Variants in SCML2 observed in about 807,000 individuals in gnomAD.
The protein encoded by SCML2 is sex comb on midleg-like protein 2.
A neutral mutation model predicts 48.4 loss-of-function variants in SCML2; 6 were observed. The ratio of observed to expected loss-of-function variants is 0.12; its 90% CI spans 0.07 to 0.24. The LOEUF is 0.24. Ranked by LOEUF, SCML2 falls within the 10% of genes least tolerant of loss-of-function variation. The pLI, the probability that SCML2 is intolerant of heterozygous loss-of-function variation, is 1.00. For missense variants in SCML2, 377 were observed against 528.2 expected, an observed-to-expected ratio of 0.71 and a Z score of 2.81; for synonymous variants, 181 against 189.5, an observed-to-expected ratio of 0.95 and a Z score of 0.37.
At chrX:18,318,429 G>A (rs1929202082) in intron 6 of SCML2, among the ~76,000 whole-genome samples, 1 of 112,930 alleles carries the variant, frequency 8.9e-6, no homozygotes, top group Non-Finnish European at 1.9e-5. Flanking sequence ...GAGAAAAGGT[G>A]AGAAAGAAAT....
intron 7 of SCML2, among the ~76,000 whole-genome samples, chrX:18,292,867 A>AT (rs1928276834): frequency 2.7e-5 from 3 of 111,560 alleles, no homozygotes; most frequent in Non-Finnish European, 5.7e-5. Context: ...TTCACTTAAT[A>AT]TATCTTAGAG....
chrX:18,262,463 C>T lies in SCML2; in HGVS notation c.949-2172G>A, dbSNP rs1927102877. Reference sequence around the variant, plus strand: ...TCAAGCGATTCTCGTGCCTCAGCTTCCTGAGTAGCTGGGATTACAGGCACC... The same window carrying T: ...TCAAGCGATTCTCGTGCCTCAGCTTTCTGAGTAGCTGGGATTACAGGCACC... On this transcript the variant is annotated intron_variant, in intron 8 of 14. Transcript: ENST00000251900. Among the ~76,000 whole-genome samples the T allele has an allele frequency of 4.8e-5, 5 of 103,679 alleles. No homozygotes were observed. The South Asian group carries it at 2.2e-3, about 45-fold the overall frequency. The allele number at this position is 103,679 out of a possible 115,157, so 90.0% of individuals were successfully genotyped here. A position where few individuals can be genotyped will look rare whatever the true frequency, so the allele number is the denominator to read the frequency against.
At chrX:18,272,440 A>C (rs1927492875) in intron 7 of SCML2, among the ~76,000 whole-genome samples, 1 of 112,282 alleles carries the variant, frequency 8.9e-6, no homozygotes, top group Non-Finnish European at 1.9e-5. Flanking sequence ...TCTGGAAGTC[A>C]GAAGCCAGCT....
At chrX:18,298,575 G>T in intron 7 of SCML2, among the ~76,000 whole-genome samples, 1 of 111,895 alleles carries the variant, frequency 8.9e-6, no homozygotes, top group East Asian at 2.8e-4. Context: ...AATGAAACTA[G>T]GCCAGGCGTG....
intron 9 of SCML2, among the ~76,000 whole-genome samples, chrX:18,258,988 G>A (rs1259196989): frequency 1.8e-5 from 2 of 111,265 alleles, no homozygotes; most frequent in Non-Finnish European, 3.8e-5. Context: ...GGGAAGCTGG[G>A]CGCAGTTGGT....
intron 6 of SCML2, among the ~76,000 whole-genome samples, chrX:18,312,955 C>A (rs1200798943): frequency 2.8e-5 from 3 of 106,864 alleles, no homozygotes; most frequent in Non-Finnish European, 5.8e-5. Context: ...GCACTACTGA[C>A]GTTTGGAGCC....
intron 7 of SCML2, among the ~76,000 whole-genome samples, chrX:18,276,298 A>AG (rs1417362715): frequency 1.0e-5 from 1 of 97,903 alleles, no homozygotes; most frequent in Non-Finnish European, 2.1e-5. Flanking sequence ...AGTCTCAAGA[A>AG]GAAAAAAAAA....
rs1291190388 is a variant in SCML2, at chrX:18,274,856, C to T, written c.731-9054G>A. Among the ~76,000 whole-genome samples, 3 of 111,633 alleles carry T rather than the reference C, an allele frequency of 2.7e-5. No individual in the cohort carries two copies. The Admixed American group carries it at 2.8e-4, about 11-fold the overall frequency. ...CGTTATACCTCTCCAGCATTAATAT[C>T]AACACAGACCTTTAGTCTGATAAGA... On this transcript the variant is annotated intron_variant, in intron 7 of 14. Transcript: ENST00000251900.
chrX:18,330,688 C>T, intron 2 of SCML2, 33 bp from the exon 3 acceptor site: 1 of 889,412 alleles, frequency 1.1e-6, no homozygotes, highest in African/African-American at 2.0e-5. Flanking sequence ...TACTGGGAGT[C>T]CACAGCAACA....
chrX:18,318,634 G>C (rs147575355), intron 6 of SCML2, among the ~76,000 whole-genome samples: 2,023 of 111,729 alleles, frequency 0.018, 25 homozygotes, highest in Non-Finnish European at 0.03. Flanking sequence ...ACTAACTTTC[G>C]AGTGATTTTT....
At chrX:18,307,816 G>A (rs1253795602) in intron 6 of SCML2, among the ~76,000 whole-genome samples, 6 of 110,086 alleles carry the variant, frequency 5.5e-5, no homozygotes, top group Non-Finnish European at 9.5e-5. Context: ...CTCTAAAAAA[G>A]TATAAAAATT....
chrX:18,313,439 C>A (rs1929024654), intron 6 of SCML2, among the ~76,000 whole-genome samples: 1 of 111,523 alleles, frequency 9.0e-6, no homozygotes, highest in Non-Finnish European at 1.9e-5. Context: ...TCACCTCCCA[C>A]CATGATCCTG....
intron 11 of SCML2, among the ~76,000 whole-genome samples, chrX:18,252,211 T>C (rs760416248): frequency 5.3e-5 from 6 of 112,300 alleles, no homozygotes; most frequent in African/African-American, 1.9e-4. Flanking sequence ...GAGGCAGAGG[T>C]TGTGGCGAGC....
At chrX:18,338,450 A>G (rs1441379115) in intron 1 of SCML2, among the ~76,000 whole-genome samples, 2 of 108,947 alleles carry the variant, frequency 1.8e-5, no homozygotes, top group African/African-American at 3.3e-5. Context: ...TCTTAAAAAA[A>G]AAAAAAAGAA....
At chrX:18,290,570 A>G (rs1486898452) in intron 7 of SCML2, among the ~76,000 whole-genome samples, 7 of 111,760 alleles carry the variant, frequency 6.3e-5, no homozygotes. Context: ...ATAAATCTGA[A>G]GCTAAAGTTA....
rs1926933704 is a variant in SCML2, at chrX:18,258,261, G to C, written c.1070-14C>G. The C allele has an allele frequency of 8.6e-7, 1 of 1,168,480 alleles. No individual in the cohort carries two copies. Among genetic ancestry groups the C allele is most frequent in the Admixed American group, 2.2e-5 (1 of 45,438 alleles). On this transcript the variant is annotated splice_polypyrimidine_tract_variant and intron_variant, in intron 9 of 14. Coordinates refer to ENST00000251900, the MANE Select transcript of SCML2 (RefSeq NM_006089.3). Reference sequence around the variant, plus strand: ...CATAGACACAGACTTGAGAAAAAATGCGTATGCATACATAACAATGAGACT... The same window carrying C: ...CATAGACACAGACTTGAGAAAAAATCCGTATGCATACATAACAATGAGACT...
At chrX:18,354,234 C>G (rs929595556) in intron 1 of SCML2, among the ~76,000 whole-genome samples, 3 of 113,453 alleles carry the variant, frequency 2.6e-5, no homozygotes, top group Non-Finnish European at 5.6e-5. Context: ...CCCCCCAGGC[C>G]CCAGCCCGGC....
intron 7 of SCML2, among the ~76,000 whole-genome samples, chrX:18,284,066 C>T (rs1172955397): frequency 1.8e-5 from 2 of 111,833 alleles, no homozygotes; most frequent in African/African-American, 6.5e-5. Context: ...GGTACAAAAA[C>T]AGACAGACCA....
intron 1 of SCML2, among the ~76,000 whole-genome samples, chrX:18,339,654 C>G (rs1929949592): frequency 9.0e-6 from 1 of 111,729 alleles, no homozygotes; most frequent in East Asian, 2.8e-4. Context: ...TTCAAGGCTG[C>G]AGTGAGTTAT....
Sources: gnomAD v4.1 joint callset for allele counts (sites outside exome capture counted in the v4.1 genomes callset) on GRCh38, gnomAD v4.1.1 for gene constraint, MANE v1.5 for transcripts, NCBI Gene and HGNC (gene_info 2026-07-23, HGNC 2026-07-21) for gene names.